Variants in PRR5L observed in about 807,000 individuals in gnomAD.
PRR5L encodes the protein proline rich 5 like.
A neutral mutation model predicts 36.4 loss-of-function variants in PRR5L; 21 were observed. The ratio of observed to expected loss-of-function variants is 0.58; its 90% CI spans 0.41 to 0.83. The LOEUF (loss-of-function observed/expected upper bound fraction) is 0.83. Ranked by LOEUF, PRR5L falls within the 40% of genes least tolerant of loss-of-function variation. PRR5L has a pLI of 0.00. For missense variants in PRR5L, 381 were observed against 473.3 expected (o/e 0.80, Z 1.81); for synonymous variants, 188 against 197.0 (o/e 0.95, Z 0.38).
chr11:36,325,504 T>A (rs1402266395), intron 1 of PRR5L, among the ~76,000 whole-genome samples: 1 of 152,258 alleles, frequency 6.6e-6, no homozygotes, highest in Non-Finnish European at 1.5e-5. Flanking sequence ...AGGGTAGCCG[T>A]TGCTGGCTTG....
At chr11:36,329,395 A>C (rs1482487094) in intron 1 of PRR5L, 1 of 152,222 alleles carries the variant, frequency 6.6e-6, no homozygotes, top group African/African-American at 2.4e-5. Context: ...TGGAAACATT[A>C]ATTACTGAAA....
intron 1 of PRR5L, among the ~76,000 whole-genome samples, chr11:36,337,751 A>G (rs17815146): frequency 0.029 from 4,409 of 152,206 alleles, 102 homozygotes; most frequent in Non-Finnish European, 0.044. Context: ...TAAACTTCCA[A>G]TGGTTGCCTG....
chr11:36,386,685 A>G (rs1857462147), intron 1 of PRR5L: 1 of 152,264 alleles, frequency 6.6e-6, no homozygotes, highest in South Asian at 2.1e-4. Flanking sequence ...GGAATCACAC[A>G]GGATTTGCCT....
At chr11:36,338,071 C>T (rs1306498727) in intron 1 of PRR5L, among the ~76,000 whole-genome samples, 3 of 152,270 alleles carry the variant, frequency 2.0e-5, no homozygotes, top group Non-Finnish European at 2.9e-5. Context: ...AACTTTGTCA[C>T]GTGGCCATAC....
At chr11:36,308,849 A>G (rs1186478777) in intron 1 of PRR5L, among the ~76,000 whole-genome samples, 1 of 152,230 alleles carries the variant, frequency 6.6e-6, no homozygotes, top group African/African-American at 2.4e-5. Context: ...ACAGAAGAGC[A>G]TAACTTGGGT....
intron 1 of PRR5L, among the ~76,000 whole-genome samples, chr11:36,375,437 A>G (rs1857245089): frequency 6.6e-6 from 1 of 152,160 alleles, no homozygotes. Flanking sequence ...AACCACCGTA[A>G]CACATAGGTT....
intron 1 of PRR5L, chr11:36,396,029 C>G (rs1308985961): frequency 1.3e-5 from 2 of 152,040 alleles, no homozygotes; most frequent in Non-Finnish European, 2.9e-5. Flanking sequence ...TATGCCTGGC[C>G]TATTATTATT....
chr11:36,371,086 C>T (rs146540622), intron 1 of PRR5L, among the ~76,000 whole-genome samples: 8 of 152,158 alleles, frequency 5.3e-5, no homozygotes, highest in African/African-American at 9.6e-5. Context: ...AAGACAGAAA[C>T]GATGATAAAA....
intron 8 of PRR5L, among the ~76,000 whole-genome samples, chr11:36,457,184 G>C (rs975051438): frequency 6.6e-6 from 1 of 152,178 alleles, no homozygotes; most frequent in African/African-American, 2.4e-5. Flanking sequence ...CTGTTCTCTC[G>C]ATTTACCCTC....
chr11:36,343,954 C>T (rs112123394), intron 1 of PRR5L, among the ~76,000 whole-genome samples: 2,558 of 151,396 alleles, frequency 0.017, 39 homozygotes, highest in Admixed American at 0.028. Context: ...CGGTGGCTCA[C>T]GCCTGTAATT....
intron 1 of PRR5L, among the ~76,000 whole-genome samples, chr11:36,385,362 A>T (rs1048890484): frequency 6.6e-6 from 1 of 152,214 alleles, no homozygotes; most frequent in African/African-American, 2.4e-5. Context: ...TATTTCCCAC[A>T]GCTTTGTTTA....
At chr11:36,408,609 C>A (rs1488939848) in intron 3 of PRR5L, among the ~76,000 whole-genome samples, 2 of 152,060 alleles carry the variant, frequency 1.3e-5, no homozygotes, top group Non-Finnish European at 2.9e-5. Flanking sequence ...GTTTTTAACA[C>A]CCCTCTCCAG....
chr11:36,341,895 G>A (rs1856820547), intron 1 of PRR5L, among the ~76,000 whole-genome samples: 1 of 152,180 alleles, frequency 6.6e-6, no homozygotes, highest in Non-Finnish European at 1.5e-5. Flanking sequence ...GGCAAAGGTG[G>A]GGAAGAGAAC....
intron 5 of PRR5L, among the ~76,000 whole-genome samples, chr11:36,432,922 A>G (rs1165975658): frequency 6.6e-6 from 1 of 152,212 alleles, no homozygotes; most frequent in African/African-American, 2.4e-5. Flanking sequence ...AAGGTCTGGC[A>G]AACAGTTAAT....
At position 36,464,445 on chromosome 11, in the gene PRR5L, G is replaced by A. The variant is rs1859254770; in HGVS notation, c.*1709G>A. 6.6e-6 allele frequency: 1 copy of A among 152,174 alleles called. No individual in the cohort carries two copies. Among genetic ancestry groups the A allele is most frequent in the South Asian group, 2.1e-4 (1 of 4,830 alleles). 9.4% of individuals were successfully genotyped at this position (152,174 alleles called of 1,614,324 possible). On this transcript the variant is annotated 3_prime_UTR_variant, in exon 9 of 9. Coordinates refer to ENST00000530639, the MANE Select transcript of PRR5L (RefSeq NM_001160167.2). ...GGAATTTAGAAATTTTATTTTAAGAGTTATTTCATTTTCATCCTAAGAGTG... is the reference window on the plus strand; with the variant it reads ...GGAATTTAGAAATTTTATTTTAAGAATTATTTCATTTTCATCCTAAGAGTG...
chr11:36,372,382 C>T (rs1857206383), intron 1 of PRR5L, among the ~76,000 whole-genome samples: 1 of 152,208 alleles, frequency 6.6e-6, no homozygotes, highest in Non-Finnish European at 1.5e-5. Context: ...GATCACAAGG[C>T]AGCCTCTCAG....
chr11:36,304,540 C>T (rs1432690522), intron 1 of PRR5L, among the ~76,000 whole-genome samples: 2 of 152,198 alleles, frequency 1.3e-5, no homozygotes, highest in Non-Finnish European at 2.9e-5. Context: ...CATTCTGTGT[C>T]AGCATGAATG....
At position 36,463,929 on chromosome 11, in the gene PRR5L, C is replaced by T. The variant is rs1209404533; in HGVS notation, c.*1193C>T. On this transcript the variant is annotated 3_prime_UTR_variant, in exon 9 of 9. Transcript: ENST00000530639. The stretch of plus-strand genomic sequence containing the variant: ...GTTTGCCTCATAGGCAGAGGATTCT[C>T]CAGGAAGCATGGAAAATGGAATGTT... The T allele has an allele frequency of 6.6e-6, 1 of 152,090 alleles. No individual in the cohort carries two copies. Among genetic ancestry groups the T allele is most frequent in the East Asian group, 1.9e-4 (1 of 5,196 alleles). 9.4% of individuals were successfully genotyped at this position (152,090 alleles called of 1,614,324 possible).
chr11:36,366,056 TC>T, intron 1 of PRR5L, among the ~76,000 whole-genome samples: 1 of 152,288 alleles, frequency 6.6e-6, no homozygotes, highest in Middle Eastern at 3.4e-3. Context: ...ATATTTATCT[TC>T]CCCAAACAGT....
Sources: gnomAD v4.1 joint callset for allele counts (sites outside exome capture counted in the v4.1 genomes callset) on GRCh38, gnomAD v4.1.1 for gene constraint, MANE v1.5 for transcripts, NCBI Gene and HGNC (gene_info 2026-07-23, HGNC 2026-07-21) for gene names.